Variants in HMG20A observed in about 807,000 individuals in gnomAD.
HMG20A encodes the protein high mobility group protein 20A.
A neutral mutation model predicts 43.9 loss-of-function variants in HMG20A; 17 were observed. The observed-to-expected ratio is 0.39, with a 90% confidence interval of 0.27 to 0.58. HMG20A has a LOEUF of 0.58. HMG20A is among the 20% of genes least tolerant of loss of function. The pLI, the probability that HMG20A is intolerant of heterozygous loss-of-function variation, is 0.59. For synonymous variants in HMG20A, 132 were observed against 147.5 expected, an observed-to-expected ratio of 0.89 and a Z score of 0.76; for missense variants, 341 against 438.2, an observed-to-expected ratio of 0.78 and a Z score of 1.98.
At chr15:77,427,385 A>G (rs1192964864) in intron 1 of HMG20A, among the ~76,000 whole-genome samples, 2 of 152,108 alleles carry the variant, frequency 1.3e-5, no homozygotes, top group Admixed American at 6.6e-5. Flanking sequence ...TATGAGTGTG[A>G]TTAATGGTTC....
Position 77,485,447 on chromosome 15 carries a change from A to C in HMG20A, c.*2484A>C, listed in dbSNP as rs901053465. On this transcript the variant is annotated 3_prime_UTR_variant, in exon 10 of 10. Coordinates refer to ENST00000336216, the MANE Select transcript of HMG20A (RefSeq NM_001304504.2). ...AGACAAGGTATTTTATTTCTGACTG[A>C]TTTTAGAAAAAACTTGTGTACATGT... 1 of 152,658 alleles carries C rather than the reference A, an allele frequency of 6.6e-6. No individual in the cohort carries two copies. The highest frequency in any genetic ancestry group is 2.4e-5 in the African/African-American group (1 of 41,462). 9.5% of individuals were successfully genotyped at this position (152,658 alleles called of 1,614,324 possible).
At position 77,483,956 on chromosome 15, in the gene HMG20A, C is replaced by T. The variant is rs1166866099; in HGVS notation, c.*993C>T. 6.6e-6 allele frequency: 1 copy of T among 152,032 alleles called. No individual in the cohort carries two copies. The highest frequency in any genetic ancestry group is 2.4e-5 in the African/African-American group (1 of 41,416). The allele number at this position is 152,032 out of a possible 1,614,324, so 9.4% of individuals were successfully genotyped here. ...ATCATTCAAAATAGTCACTTGAGCT[C>T]ACAAAAAAAGCAAGGAAGAATTCTC... On this transcript the variant is annotated 3_prime_UTR_variant, in exon 10 of 10. Transcript: ENST00000336216.
chr15:77,454,186 T>C (rs916263093), intron 1 of HMG20A, among the ~76,000 whole-genome samples: 2 of 141,184 alleles, frequency 1.4e-5, no homozygotes, highest in Non-Finnish European at 3.1e-5. Flanking sequence ...AAAAACAAAG[T>C]AGATTAGTGG....
chr15:77,507,990 GA>G, the HMG20A span, among the ~76,000 whole-genome samples: 1 of 151,944 alleles, frequency 6.6e-6, no homozygotes, highest in Admixed American at 6.5e-5. Context: ...AGCTTCCCTT[GA>G]AAAAAAGCCT....
intron 1 of HMG20A, among the ~76,000 whole-genome samples, chr15:77,442,238 T>A (rs1373477808): frequency 6.6e-6 from 1 of 152,234 alleles, no homozygotes; most frequent in Non-Finnish European, 1.5e-5. Context: ...TCAGTGTATT[T>A]TCATGTAACT....
intron 1 of HMG20A, among the ~76,000 whole-genome samples, chr15:77,425,965 G>A (rs2073422655): frequency 6.6e-6 from 1 of 152,182 alleles, no homozygotes; most frequent in Non-Finnish European, 1.5e-5. Flanking sequence ...AGCAATACCT[G>A]CTGTAACATG....
At chr15:77,477,939 T>G (rs1287884543) in intron 7 of HMG20A, among the ~76,000 whole-genome samples, 1 of 152,174 alleles carries the variant, frequency 6.6e-6, no homozygotes, top group Non-Finnish European at 1.5e-5. Context: ...GTGGTAAAGA[T>G]GGGTACCTAC....
intron 1 of HMG20A, among the ~76,000 whole-genome samples, chr15:77,435,366 C>T (rs909491013): frequency 2.6e-5 from 4 of 152,190 alleles, no homozygotes; most frequent in African/African-American, 9.7e-5. Context: ...TCACTGCAGC[C>T]TCCGCCTACT....
intron 1 of HMG20A, among the ~76,000 whole-genome samples, chr15:77,452,396 T>A (rs1448314769): frequency 6.6e-6 from 1 of 152,234 alleles, no homozygotes; most frequent in African/African-American, 2.4e-5. Flanking sequence ...CAGAATGCTC[T>A]GGTAGTACAT....
rs1401482179 is a variant in HMG20A, at chr15:77,475,203, C to G, written c.616-2352C>G. Among the ~76,000 whole-genome samples, 3 of 152,166 alleles carry G rather than the reference C, an allele frequency of 2.0e-5. No individual in the cohort carries two copies. In the East Asian group the frequency reaches 5.8e-4, roughly 29 times the overall value. On this transcript the variant is annotated intron_variant, in intron 6 of 9. Transcript: ENST00000336216. ...AGTACACCCAAGCCCCCAGAAGGAT[C>G]CTCTCCATGCCGTGAAATGTGCTCA... is the stretch of plus-strand genomic sequence containing the variant.
chr15:77,495,274 G>T, the HMG20A span, among the ~76,000 whole-genome samples: 2 of 152,228 alleles, frequency 1.3e-5, no homozygotes, highest in African/African-American at 4.8e-5. Context: ...GCCAGCAGGC[G>T]TGGTGGCTCA....
chr15:77,501,892 T>C, the HMG20A span, among the ~76,000 whole-genome samples: 1 of 152,192 alleles, frequency 6.6e-6, no homozygotes, highest in Non-Finnish European at 1.5e-5. Flanking sequence ...TGACTTAACC[T>C]TGGAGAAACA....
intron 1 of HMG20A, among the ~76,000 whole-genome samples, chr15:77,457,527 C>T (rs955381978): frequency 6.6e-6 from 1 of 152,172 alleles, no homozygotes; most frequent in African/African-American, 2.4e-5. Context: ...TGGGGTGATG[C>T]CCTTTGTGGT....
At chr15:77,486,259 C>CTTTTTT (rs71145843), downstream of HMG20A, among the ~76,000 whole-genome samples, 1 of 128,694 alleles carries the variant, frequency 7.8e-6, no homozygotes, top group Non-Finnish European at 1.6e-5. Flanking sequence ...TAAATGCTTG[C>CTTTTTT]TTTTTTTTTT....
intron 1 of HMG20A, among the ~76,000 whole-genome samples, chr15:77,441,477 C>T (rs2073612449): frequency 6.6e-6 from 1 of 152,086 alleles, no homozygotes; most frequent in African/African-American, 2.4e-5. Flanking sequence ...TGTAGTCTGA[C>T]AGCTAAACAA....
At chr15:77,449,910 A>T in intron 1 of HMG20A, among the ~76,000 whole-genome samples, 1 of 152,152 alleles carries the variant, frequency 6.6e-6, no homozygotes. Flanking sequence ...TGTATCACGT[A>T]GAAAGTTTCA....
At chr15:77,446,723 C>T (rs1239946812) in intron 1 of HMG20A, among the ~76,000 whole-genome samples, 1 of 151,424 alleles carries the variant, frequency 6.6e-6, no homozygotes, top group African/African-American at 2.4e-5. Flanking sequence ...AGGAGAATGG[C>T]GTGAACCCTG....
chr15:77,515,248 G>A, the HMG20A span, among the ~76,000 whole-genome samples: 1 of 152,184 alleles, frequency 6.6e-6, no homozygotes, highest in Non-Finnish European at 1.5e-5. Flanking sequence ...TGTGGAAAAG[G>A]GGGAGTGTAT....
chr15:77,468,597 TCACA>T (rs141417839), intron 4 of HMG20A, among the ~76,000 whole-genome samples: 2,129 of 147,688 alleles, frequency 0.014, 55 homozygotes, highest in Admixed American at 0.064. Context: ...TCTCTCTCTG[TCACA>T]CACACACACA....
Sources: gnomAD v4.1 joint callset for allele counts (sites outside exome capture counted in the v4.1 genomes callset) on GRCh38, gnomAD v4.1.1 for gene constraint, MANE v1.5 for transcripts, NCBI Gene and HGNC (gene_info 2026-07-23, HGNC 2026-07-21) for gene names.